ANKRD55: variants seen among roughly 807,000 people sequenced by gnomAD.
The protein encoded by ANKRD55 is ankyrin repeat domain 55.
A neutral mutation model predicts 60.6 loss-of-function variants in ANKRD55; 41 were observed. The observed-to-expected ratio is 0.68, with a 90% confidence interval of 0.53 to 0.88. The LOEUF (loss-of-function observed/expected upper bound fraction) is 0.88, where lower values mean the gene tolerates loss of function less well. Ranked by LOEUF, ANKRD55 falls within the 40% of genes least tolerant of loss-of-function variation. The pLI, the probability that ANKRD55 is intolerant of heterozygous loss-of-function variation, is 0.00. For synonymous variants in ANKRD55, 264 were observed against 290.3 expected (o/e 0.91, Z 0.92); for missense variants, 732 against 767.6 (o/e 0.95, Z 0.55).
intron 2 of ANKRD55, among the ~76,000 whole-genome samples, chr5:56,208,909 C>T (rs558038501): frequency 1.1e-3 from 165 of 151,796 alleles, no homozygotes; most frequent in African/African-American, 1.5e-3. Context: ...CATTGTTGAC[C>T]GAAATGTCAC....
chr5:56,106,420 C>CTTTTTTTTTTTTTTTTTTTTTTTTTTTTT lies in ANKRD55; in HGVS notation c.1631-3835_1631-3834insAAAAAAAAAAAAAAAAAAAAAAAAAAAAA, dbSNP rs71602938. Among the ~76,000 whole-genome samples, 8 of 96,918 alleles carry CTTTTTTTTTTTTTTTTTTTTTTTTTTTTT rather than the reference C, an allele frequency of 8.3e-5. 1 individual carries two copies. The highest frequency in any genetic ancestry group is 3.5e-4 in the African/African-American group (6 of 17,138). 63.6% of individuals were successfully genotyped at this position (96,918 alleles called of 152,430 possible). On this transcript the variant is annotated intron_variant, in intron 10 of 11. Transcript: ENST00000341048. The stretch of plus-strand genomic sequence containing the variant: ...AATAAAATCCGTAAGGCTAGGAAAG[C>CTTTTTTTTTTTTTTTTTTTTTTTTTTTTT]TTTTTTTTTTTTTTTTTTTTTTTGA...
chr5:56,100,448 G>C, intron 11 of ANKRD55, 144 bp from the exon 12 acceptor site: 2 of 937,844 alleles, frequency 2.1e-6, no homozygotes, highest in Non-Finnish European at 3.2e-6. Flanking sequence ...GAGAAGCTGT[G>C]TATGTATATC....
At chr5:56,121,825 A>G (rs2111705868) in intron 8 of ANKRD55, among the ~76,000 whole-genome samples, 1 of 152,342 alleles carries the variant, frequency 6.6e-6, no homozygotes, top group East Asian at 1.9e-4. Flanking sequence ...TTATTGTACC[A>G]AAGACAAAAT....
intron 2 of ANKRD55, among the ~76,000 whole-genome samples, chr5:56,185,229 A>AAAC (rs906167073): frequency 3.3e-5 from 5 of 151,924 alleles, no homozygotes; most frequent in African/African-American, 1.2e-4. Flanking sequence ...TCTCAAAACA[A>AAAC]AACAACAACA....
intron 5 of ANKRD55, among the ~76,000 whole-genome samples, chr5:56,160,471 C>A (rs887896634): frequency 1.3e-5 from 2 of 152,176 alleles, no homozygotes; most frequent in Non-Finnish European, 2.9e-5. Flanking sequence ...GATCTCCTGA[C>A]CTCGTGGTCC....
At chr5:56,208,893 G>A (rs901397184) in intron 2 of ANKRD55, among the ~76,000 whole-genome samples, 6 of 151,956 alleles carry the variant, frequency 3.9e-5, no homozygotes, top group Non-Finnish European at 7.4e-5. Context: ...CATCATATTT[G>A]TAGTACATTG....
At chr5:56,111,074 A>T in intron 10 of ANKRD55, 44 bp downstream of exon 10, 1 of 1,573,048 alleles carries the variant, frequency 6.4e-7, no homozygotes, top group African/African-American at 1.3e-5. Context: ...GGACATTTCC[A>T]GTATAGAGCC....
chr5:56,105,085 CTTTT>C (rs755695417), intron 10 of ANKRD55, among the ~76,000 whole-genome samples: 2 of 123,336 alleles, frequency 1.6e-5, no homozygotes, highest in Admixed American at 1.6e-4. Flanking sequence ...TGGAGCTATT[CTTTT>C]TTTTTTTTTT....
chr5:56,176,381 C>T (rs1486296423), intron 3 of ANKRD55, 99 bp from the exon 4 acceptor site: 2 of 1,391,842 alleles, frequency 1.4e-6, no homozygotes, highest in Non-Finnish European at 2.0e-6. Context: ...ATTTGCAATA[C>T]AAACCCAGCT....
At chr5:56,212,444 A>C (rs958108428) in intron 2 of ANKRD55, among the ~76,000 whole-genome samples, 14 of 152,216 alleles carry the variant, frequency 9.2e-5, no homozygotes, top group African/African-American at 3.4e-4. Flanking sequence ...AATTCTAACA[A>C]ATGCAGTAAG....
At chr5:56,187,923 A>G (rs1759011172) in intron 2 of ANKRD55, among the ~76,000 whole-genome samples, 1 of 152,182 alleles carries the variant, frequency 6.6e-6, no homozygotes. Context: ...CCCCGGTAAC[A>G]ATATCTTGGT....
intron 3 of ANKRD55, among the ~76,000 whole-genome samples, chr5:56,180,765 A>C (rs1347966289): frequency 6.6e-6 from 1 of 152,250 alleles, no homozygotes; most frequent in Non-Finnish European, 1.5e-5. Flanking sequence ...GTTTGTATAC[A>C]AAAATAAAAT....
intron 5 of ANKRD55, among the ~76,000 whole-genome samples, chr5:56,167,104 A>G (rs921352404): frequency 2.6e-5 from 4 of 152,206 alleles, no homozygotes; most frequent in African/African-American, 7.2e-5. Context: ...CTAGTTTCCA[A>G]TATTCTGTAG....
At chr5:56,176,433 C>T in intron 3 of ANKRD55, 151 bp from the exon 4 acceptor site, 1 of 819,400 alleles carries the variant, frequency 1.2e-6, no homozygotes, top group Non-Finnish European at 1.9e-6. Flanking sequence ...ATTGTTGCTA[C>T]ATCTCTATAA....
intron 10 of ANKRD55, among the ~76,000 whole-genome samples, chr5:56,107,834 C>G (rs1188526256): frequency 6.6e-6 from 1 of 151,908 alleles, no homozygotes; most frequent in Non-Finnish European, 1.5e-5. Context: ...TGTCTGGGAA[C>G]TGCCTACTTC....
chr5:56,149,741 T>G (rs1195880037), intron 6 of ANKRD55, among the ~76,000 whole-genome samples: 1 of 152,218 alleles, frequency 6.6e-6, no homozygotes, highest in Non-Finnish European at 1.5e-5. Flanking sequence ...GGGAGGTTTT[T>G]TTTTGGAAAT....
chr5:56,201,132 C>G (rs1759357097), intron 2 of ANKRD55, among the ~76,000 whole-genome samples: 1 of 152,206 alleles, frequency 6.6e-6, no homozygotes, highest in South Asian at 2.1e-4. Flanking sequence ...GAACAGTTTC[C>G]TGGGCATTCC....
At chr5:56,113,085 T>C (rs754009745) in intron 9 of ANKRD55, among the ~76,000 whole-genome samples, 1 of 152,220 alleles carries the variant, frequency 6.6e-6, no homozygotes, top group Non-Finnish European at 1.5e-5. Flanking sequence ...ATTGATGCTA[T>C]TGCAGCATCT....
intron 5 of ANKRD55, among the ~76,000 whole-genome samples, chr5:56,163,917 C>T (rs920039842): frequency 3.9e-5 from 6 of 152,036 alleles, no homozygotes; most frequent in Non-Finnish European, 8.8e-5. Flanking sequence ...CATGGTGAAA[C>T]CCCGTCTGTA....
Sources: gnomAD v4.1 joint callset for allele counts (sites outside exome capture counted in the v4.1 genomes callset) on GRCh38, gnomAD v4.1.1 for gene constraint, MANE v1.5 for transcripts, NCBI Gene and HGNC (gene_info 2026-07-23, HGNC 2026-07-21) for gene names.